PALD1: variants seen among roughly 807,000 people sequenced by gnomAD.
PALD1 encodes the protein phosphatase domain containing paladin 1.
Under a neutral mutation model 96.0 loss-of-function variants are expected in PALD1, and 57 were observed. The ratio of observed to expected loss-of-function variants is 0.59; its 90% CI spans 0.48 to 0.74. The LOEUF (loss-of-function observed/expected upper bound fraction) is 0.74, where lower values mean the gene tolerates loss of function less well. Among genes scored for constraint, PALD1 ranks in the 30% least tolerant of loss-of-function variants. PALD1 has a pLI of 0.00. For missense variants in PALD1, 1,063 were observed against 1,143.7 expected, an observed-to-expected ratio of 0.93 and a Z score of 1.02; for synonymous variants, 464 against 473.6, an observed-to-expected ratio of 0.98 and a Z score of 0.26.
chr10:70,460,026 A>G, the PALD1 span, among the ~76,000 whole-genome samples: 1 of 152,010 alleles, frequency 6.6e-6, no homozygotes, highest in African/African-American at 2.4e-5. Flanking sequence ...TATAGGAGAG[A>G]CTCCGTGTTA....
At chr10:70,516,377 G>A (rs1307774857) in intron 1 of PALD1, among the ~76,000 whole-genome samples, 1 of 151,928 alleles carries the variant, frequency 6.6e-6, no homozygotes, top group South Asian at 2.1e-4. Flanking sequence ...CAAGTGATCC[G>A]CCCACCTCAG....
rs781021843 is a variant in PALD1, at chr10:70,538,285, G to A, written c.1329G>A (p.Pro443=). The A allele has an allele frequency of 1.8e-5, 29 of 1,602,080 alleles. No individual in the cohort carries two copies. The highest frequency in any genetic ancestry group is 2.4e-5 in the Non-Finnish European group (28 of 1,179,928). The part of the protein sequence containing the change: ...LFNYYLHEQY[P]LAFALSFSRW... ...CTCTCTGCCTCGGGCTGCAGTACCCGCTGGCCTTTGCCCTCAGTTTCAGCC... is the reference window on the plus strand; with the variant it reads ...CTCTCTGCCTCGGGCTGCAGTACCCACTGGCCTTTGCCCTCAGTTTCAGCC... The change falls in exon 12 of 20, where the codon CCG becomes CCA. Residue 443 remains proline (P), a synonymous_variant. Transcript: ENST00000263563.
chr10:70,539,546 A>C lies in PALD1; in HGVS notation c.1726-34A>C. On this transcript the variant is annotated intron_variant, in intron 14 of 19. Transcript: ENST00000263563. This position sits in a 1 kb window ranked among gnomAD's most constrained non-coding sequence, Gnocchi z 4.5. Reference sequence around the variant, plus strand: ...TCAGGGCTAGCCTAGAGCCTGCCCCAGTGGCCTGTGTCCTCCCTCCTGCCC... The same window carrying C: ...TCAGGGCTAGCCTAGAGCCTGCCCCCGTGGCCTGTGTCCTCCCTCCTGCCC... The C allele has an allele frequency of 6.4e-7, 1 of 1,557,568 alleles. No homozygotes were observed. The highest frequency in any genetic ancestry group is 8.7e-7 in the Non-Finnish European group (1 of 1,148,372).
chr10:70,508,709 G>A (rs1846444720), intron 1 of PALD1, among the ~76,000 whole-genome samples: 1 of 151,330 alleles, frequency 6.6e-6, no homozygotes, highest in Non-Finnish European at 1.5e-5. Flanking sequence ...GGTCAGACTT[G>A]GGTCTCAAAG....
the PALD1 span, among the ~76,000 whole-genome samples, chr10:70,460,154 G>A: frequency 5.3e-5 from 8 of 152,134 alleles, no homozygotes; most frequent in Non-Finnish European, 8.8e-5. Flanking sequence ...CCCCTGCTCA[G>A]TCCTCTTTGT....
chr10:70,510,739 C>A (rs1005361422), intron 1 of PALD1, among the ~76,000 whole-genome samples: 1 of 152,206 alleles, frequency 6.6e-6, no homozygotes, highest in Admixed American at 6.5e-5. Flanking sequence ...CCTCCAGATG[C>A]AGAGAGGCTT....
At chr10:70,552,975 G>A (rs1386004116) in intron 18 of PALD1, among the ~76,000 whole-genome samples, 3 of 152,154 alleles carry the variant, frequency 2.0e-5, no homozygotes, top group Non-Finnish European at 1.5e-5. Context: ...GCACCCCTAG[G>A]TTTAAGTTGG....
At chr10:70,538,189 T>C in intron 11 of PALD1, 91 bp from the exon 12 acceptor site, 1 of 1,403,944 alleles carries the variant, frequency 7.1e-7, no homozygotes, top group Non-Finnish European at 9.9e-7. Context: ...GTTGGATATC[T>C]TTTGGGGCTT....
upstream of PALD1, among the ~76,000 whole-genome samples, chr10:70,475,649 T>C (rs1003414213): frequency 6.6e-6 from 1 of 152,218 alleles, no homozygotes; most frequent in Admixed American, 6.5e-5. Context: ...GCTCCTCTGC[T>C]TTCCAGCGAG....
chr10:70,528,949 C>T (rs1031553000), intron 2 of PALD1, among the ~76,000 whole-genome samples: 1 of 152,214 alleles, frequency 6.6e-6, no homozygotes, highest in Non-Finnish European at 1.5e-5. Context: ...CACTTTTCCT[C>T]ACATCATTGG....
At chr10:70,462,457 T>TAA in the PALD1 span, among the ~76,000 whole-genome samples, 2 of 152,370 alleles carry the variant, frequency 1.3e-5, no homozygotes, top group South Asian at 2.1e-4. Flanking sequence ...GCCTGGCATG[T>TAA]AATCAATGCT....
chr10:70,519,131 C>T (rs537827072), intron 1 of PALD1, among the ~76,000 whole-genome samples: 3 of 152,296 alleles, frequency 2.0e-5, no homozygotes, highest in African/African-American at 7.2e-5. Flanking sequence ...GTAAATGAGA[C>T]AGAGTCTCGC....
intron 18 of PALD1, among the ~76,000 whole-genome samples, chr10:70,551,063 G>A (rs1847468331): frequency 6.6e-6 from 1 of 152,176 alleles, no homozygotes; most frequent in African/African-American, 2.4e-5. Context: ...TGGTGGCTGA[G>A]TGGGGATGAG....
intron 1 of PALD1, among the ~76,000 whole-genome samples, chr10:70,509,968 G>C (rs1846480256): frequency 6.6e-6 from 1 of 152,216 alleles, no homozygotes; most frequent in African/African-American, 2.4e-5. Context: ...AAATAAGCGT[G>C]GGCTGTGCCG....
At position 70,564,483 on chromosome 10, in the gene PALD1, C is replaced by T; in HGVS notation, c.2382C>T (p.Asp794=). The change falls in exon 19 of 20, where the codon GAC becomes GAT. Residue 794 remains aspartate, a synonymous_variant. Transcript: ENST00000263563. The part of the protein sequence containing the change: ...FNAYLHLEKA[D]SWQRPFSTWM... ...CGTACCTCCACCTGGAGAAGGCCGA[C>T]TCCTGGCAGAGGCCCTTCAGCACCT... 6.2e-7 allele frequency: 1 copy of T among 1,614,124 alleles called. No individual in the cohort carries two copies. The highest frequency in any genetic ancestry group is 8.5e-7 in the Non-Finnish European group (1 of 1,180,018).
intron 18 of PALD1, among the ~76,000 whole-genome samples, chr10:70,553,321 A>G (rs72811361): frequency 0.15 from 22,244 of 152,190 alleles, 1,988 homozygotes; most frequent in Middle Eastern, 0.26. Flanking sequence ...ATGCTTGTCT[A>G]AAAATGAGGG....
At chr10:70,515,951 C>T (rs879044996) in intron 1 of PALD1, among the ~76,000 whole-genome samples, 1 of 152,256 alleles carries the variant, frequency 6.6e-6, no homozygotes, top group East Asian at 1.9e-4. Flanking sequence ...AATGAAAACA[C>T]CAACTTTCTG....
At position 70,550,675 on chromosome 10, in the gene PALD1, C is replaced by A. The variant is rs185184609; in HGVS notation, c.2262+3229C>A. Among the ~76,000 whole-genome samples the A allele has an allele frequency of 3.9e-4, 60 of 152,302 alleles. 1 individual carries two copies. The highest frequency in any genetic ancestry group is 3.5e-3 in the Admixed American group (54 of 15,294). On this transcript the variant is annotated intron_variant, in intron 18 of 19. Transcript: ENST00000263563. The stretch of plus-strand genomic sequence containing the variant: ...CTGGCAGCCACTGATCTTTCTGCCT[C>A]TGTGGATTTGCATGGTCTGGCCATT...
Position 70,547,416 on chromosome 10 carries a change from G to T in PALD1, c.2232G>T (p.Leu744=). ...CCATGACGCCCATGCACTACCACCT[G>T]CGGGAGATCATCATCTGCACCTACC... The part of the protein sequence containing the change: ...SETMTPMHYH[L]REIIICTYRQ... Residue 744 remains leucine, a synonymous_variant, in exon 18 of 20, where the codon CTG becomes CTT. Coordinates refer to ENST00000263563, the MANE Select transcript of PALD1 (RefSeq NM_014431.3). The T allele has an allele frequency of 6.2e-7, 1 of 1,612,386 alleles. No individual in the cohort carries two copies.
Sources: allele counts gnomAD v4.1 joint callset (sites outside exome capture counted in the v4.1 genomes callset), GRCh38; gene constraint gnomAD v4.1.1; non-coding constraint Gnocchi (gnomAD v3.1); transcripts MANE v1.5; gene names NCBI Gene and HGNC (gene_info 2026-07-23, HGNC 2026-07-21).